SLC24A2: variants seen among roughly 807,000 people sequenced by gnomAD.
SLC24A2 encodes solute carrier family 24 member 2, also known as sodium/potassium/calcium exchanger 2.
Under a neutral mutation model 62.0 loss-of-function variants are expected in SLC24A2, and 36 were observed. That is an observed-to-expected ratio of 0.58 (90% CI 0.44 to 0.77). SLC24A2 has a LOEUF of 0.77. SLC24A2 is among the 30% of genes least tolerant of loss of function. SLC24A2 has a pLI of 0.00. For synonymous variants in SLC24A2, 358 were observed against 294.0 expected, an observed-to-expected ratio of 1.22 and a Z score of -2.23; for missense variants, 846 against 817.9, an observed-to-expected ratio of 1.03 and a Z score of -0.42.
the SLC24A2 span, among the ~76,000 whole-genome samples, chr9:20,251,263 C>T: frequency 6.6e-6 from 1 of 152,172 alleles, no homozygotes; most frequent in Non-Finnish European, 1.5e-5. Context: ...TCAGCAAGGT[C>T]CCCCAGGTTT....
the SLC24A2 span, among the ~76,000 whole-genome samples, chr9:20,218,497 A>C: frequency 6.6e-6 from 1 of 151,894 alleles, no homozygotes; most frequent in African/African-American, 2.4e-5. Flanking sequence ...ACTAAAACCC[A>C]CCCTGGAAGA....
chr9:19,566,058 A>G (rs1204961996), intron 7 of SLC24A2, among the ~76,000 whole-genome samples: 5 of 152,214 alleles, frequency 3.3e-5, no homozygotes, highest in Non-Finnish European at 1.5e-5. Context: ...GGCATGGGCA[A>G]GGACTTCATG....
At chr9:19,916,776 C>G in the SLC24A2 span, among the ~76,000 whole-genome samples, 1 of 151,630 alleles carries the variant, frequency 6.6e-6, no homozygotes, top group South Asian at 2.1e-4. Flanking sequence ...GTTTTTCTGG[C>G]GTAAATGTTG....
chr9:20,144,352 C>T, the SLC24A2 span, among the ~76,000 whole-genome samples: 2 of 152,136 alleles, frequency 1.3e-5, no homozygotes, highest in Non-Finnish European at 2.9e-5. Context: ...GACAGATAAC[C>T]CAATAAATTT....
At chr9:19,878,487 TC>T in the SLC24A2 span, among the ~76,000 whole-genome samples, 1 of 152,130 alleles carries the variant, frequency 6.6e-6, no homozygotes, top group East Asian at 1.9e-4. Flanking sequence ...ATCATGACAA[TC>T]TTTTATATGG....
intron 2 of SLC24A2, among the ~76,000 whole-genome samples, chr9:19,753,257 T>C (rs537209139): frequency 3.0e-4 from 45 of 152,296 alleles, no homozygotes; most frequent in African/African-American, 1.1e-3. Flanking sequence ...CAACCAGTGC[T>C]CCACCAGGCA....
chr9:19,815,080 A>AT, the SLC24A2 span, among the ~76,000 whole-genome samples: 1 of 152,168 alleles, frequency 6.6e-6, no homozygotes, highest in Admixed American at 6.5e-5. Flanking sequence ...AGAATTATAG[A>AT]TTTTGGCTAA....
chr9:19,793,199 C>T (rs1306203870), upstream of SLC24A2, among the ~76,000 whole-genome samples: 1 of 152,234 alleles, frequency 6.6e-6, no homozygotes, highest in Admixed American at 6.5e-5. Flanking sequence ...TCAAAAATCA[C>T]AGTGGCTTAA....
chr9:19,867,493 G>GT, the SLC24A2 span, among the ~76,000 whole-genome samples: 2 of 151,762 alleles, frequency 1.3e-5, no homozygotes, highest in African/African-American at 4.8e-5. Context: ...TTCCTTTTTA[G>GT]TTTTTTTTCT....
At chr9:19,522,999 C>G (rs185767079) in intron 9 of SLC24A2, among the ~76,000 whole-genome samples, 5 of 152,094 alleles carry the variant, frequency 3.3e-5, no homozygotes, top group Non-Finnish European at 7.3e-5. Context: ...TAATTAAATT[C>G]TTGGAGGGAA....
chr9:19,642,392 T>C (rs1417194677), intron 2 of SLC24A2, among the ~76,000 whole-genome samples: 1 of 152,078 alleles, frequency 6.6e-6, no homozygotes, highest in Non-Finnish European at 1.5e-5. Flanking sequence ...GCAGACAGGG[T>C]TGGTGACAAA....
the SLC24A2 span, among the ~76,000 whole-genome samples, chr9:19,861,487 T>A: frequency 4.9e-4 from 74 of 152,190 alleles, no homozygotes; most frequent in Admixed American, 4.1e-3. Context: ...AAACCTAGAC[T>A]GTAAAGACTA....
At chr9:19,618,187 C>T (rs1016997435) in intron 4 of SLC24A2, among the ~76,000 whole-genome samples, 5 of 152,176 alleles carry the variant, frequency 3.3e-5, no homozygotes. Context: ...CCCAAAGTCA[C>T]ACAACTGCTT....
At chr9:19,629,776 C>G (rs1811281921) in intron 2 of SLC24A2, among the ~76,000 whole-genome samples, 1 of 152,122 alleles carries the variant, frequency 6.6e-6, no homozygotes, top group South Asian at 2.1e-4. Context: ...TCTGACACTT[C>G]AAGGACTAGT....
the SLC24A2 span, among the ~76,000 whole-genome samples, chr9:19,803,930 C>G: frequency 1.3e-5 from 2 of 151,992 alleles, no homozygotes; most frequent in Non-Finnish European, 2.9e-5. Context: ...ATATACATTT[C>G]TCTTGTTTTT....
chr9:20,260,849 C>CTTTTTTTTTTT, the SLC24A2 span, among the ~76,000 whole-genome samples: 4 of 90,280 alleles, frequency 4.4e-5, no homozygotes, highest in South Asian at 5.3e-4. Context: ...ATCATTCTTT[C>CTTTTTTTTTTT]TTTTTTTTTT....
chr9:20,283,283 T>C, the SLC24A2 span, among the ~76,000 whole-genome samples: 1 of 152,208 alleles, frequency 6.6e-6, no homozygotes, highest in Admixed American at 6.5e-5. Context: ...ATCACTTGCA[T>C]TAGAATGCTT....
chr9:19,549,945 C>T (rs977995308), intron 8 of SLC24A2, among the ~76,000 whole-genome samples, 192 bp downstream of exon 8: 8 of 152,192 alleles, frequency 5.3e-5, no homozygotes, highest in African/African-American at 1.9e-4. Context: ...TTCTTAATGT[C>T]ACTTTCTCTT....
the SLC24A2 span, among the ~76,000 whole-genome samples, chr9:19,907,965 A>C: frequency 6.6e-6 from 1 of 152,318 alleles, no homozygotes; most frequent in African/African-American, 2.4e-5. Context: ...GACTTTCTTC[A>C]CAGAATTGGA....
Sources: allele counts gnomAD v4.1 joint callset (sites outside exome capture counted in the v4.1 genomes callset), GRCh38; gene constraint gnomAD v4.1.1; transcripts MANE v1.5; gene names NCBI Gene and HGNC (gene_info 2026-07-23, HGNC 2026-07-21).